The following ZNF469 variants were observed in gnomAD, a reference collection of about 807,000 sequenced individuals.
The protein encoded by ZNF469 is zinc finger protein 469.
Under a neutral mutation model 1.0 loss-of-function variants are expected in ZNF469, and 1 was observed. The ratio of observed to expected loss-of-function variants is 1.00; its 90% CI spans 0.35 to 4.73. ZNF469 has a LOEUF of 4.73. Among genes scored for constraint, ZNF469 ranks in the 30% most tolerant of loss-of-function variants. The probability of loss-of-function intolerance (pLI) is 0.16; values close to 1 mark genes in which losing one functional copy is unlikely to be tolerated. For synonymous variants in ZNF469, 2,703 were observed against 2,363.4 expected, an observed-to-expected ratio of 1.14 and a Z score of -4.17; for missense variants, 6,100 against 5,356.3, an observed-to-expected ratio of 1.14 and a Z score of -4.33.
At chr16:88,372,017 T>C in the ZNF469 span, among the ~76,000 whole-genome samples, 1 of 139,892 alleles carries the variant, frequency 7.1e-6, no homozygotes, top group African/African-American at 2.7e-5. Flanking sequence ...ATCATCACCA[T>C]CACCATCATC....
At chr16:88,136,207 T>C in the ZNF469 span, among the ~76,000 whole-genome samples, 4,411 of 152,264 alleles carry the variant, frequency 0.029, 212 homozygotes, top group African/African-American at 0.1. Flanking sequence ...TTCCTCTGCG[T>C]GGGGGAGGCT....
chr16:88,214,665 C>T, the ZNF469 span, among the ~76,000 whole-genome samples: 8 of 152,140 alleles, frequency 5.3e-5, no homozygotes, highest in Non-Finnish European at 7.4e-5. Flanking sequence ...ACCCTCACCC[C>T]CCGACAGGCC....
chr16:88,201,981 C>T, the ZNF469 span, among the ~76,000 whole-genome samples: 1 of 152,274 alleles, frequency 6.6e-6, no homozygotes, highest in East Asian at 1.9e-4. The surrounding 1 kb of genome is among the most constrained non-coding windows in gnomAD (Gnocchi z 5.0). Context: ...TCCTCCTGTT[C>T]CTCCTCCCTT....
the ZNF469 span, among the ~76,000 whole-genome samples, chr16:88,320,162 G>A: frequency 2.6e-5 from 4 of 152,248 alleles, no homozygotes; most frequent in Admixed American, 2.6e-4. Flanking sequence ...AGTTAAACAG[G>A]CTGAGTGCCT....
chr16:88,170,250 G>A, the ZNF469 span, among the ~76,000 whole-genome samples: 3 of 152,166 alleles, frequency 2.0e-5, no homozygotes, highest in Non-Finnish European at 4.4e-5. The surrounding 1 kb of genome is among the most constrained non-coding windows in gnomAD (Gnocchi z 4.2). Flanking sequence ...CCACAATCCA[G>A]CTAATTGTCA....
the ZNF469 span, among the ~76,000 whole-genome samples, chr16:88,300,276 G>C: frequency 1.3e-5 from 2 of 152,036 alleles, no homozygotes; most frequent in African/African-American, 4.8e-5. Context: ...GGTGGTGAGG[G>C]TGGGAGGTGG....
Position 88,430,223 on chromosome 16 carries a change from G to T in ZNF469, c.2753G>T (p.Cys918Phe). The change falls in exon 3 of 3, where the codon TGC (cysteine) becomes TTC (phenylalanine). Residue 918 changes from cysteine (C) to phenylalanine (F), a missense_variant. Transcript: ENST00000565624. Reference protein sequence around the residue: ...PQTPRPGDRGCPARGRPKTRS... With the variant: ...PQTPRPGDRGFPARGRPKTRS... ...ACCCCCCGCCCTGGGGACAGGGGCT[G>T]CCCAGCCCGAGGCAGGCCCAAAACG... 6.5e-7 allele frequency: 1 copy of T among 1,539,356 alleles called. No homozygotes were observed. Among genetic ancestry groups the T allele is most frequent in the East Asian group, 2.5e-5 (1 of 40,748 alleles).
At chr16:88,407,276 G>A (rs1255866250) in intron 1 of ZNF469, among the ~76,000 whole-genome samples, 1 of 152,230 alleles carries the variant, frequency 6.6e-6, no homozygotes, top group African/African-American at 2.4e-5. Flanking sequence ...CACTTCCAGG[G>A]ATCCGTCCGG....
At chr16:88,195,515 G>A in the ZNF469 span, among the ~76,000 whole-genome samples, 1 of 152,308 alleles carries the variant, frequency 6.6e-6, no homozygotes, top group South Asian at 2.1e-4. Flanking sequence ...TTTTAGCTGG[G>A]GCTGTCGGCT....
the ZNF469 span, among the ~76,000 whole-genome samples, chr16:88,239,191 T>C: frequency 6.6e-6 from 1 of 152,292 alleles, no homozygotes; most frequent in South Asian, 2.1e-4. Context: ...CCATCGGCTA[T>C]TCTCTGGGGT....
intron 1 of ZNF469, among the ~76,000 whole-genome samples, chr16:88,397,970 C>T (rs1488099048): frequency 6.6e-6 from 1 of 152,198 alleles, no homozygotes; most frequent in Non-Finnish European, 1.5e-5. Context: ...TTCTGCCCTG[C>T]CCAGAGCCGG....
intron 1 of ZNF469, among the ~76,000 whole-genome samples, chr16:88,423,167 G>A (rs1365750361): frequency 9.0e-5 from 1 of 11,132 alleles, no homozygotes; most frequent in African/African-American, 1.3e-4. Context: ...TGGATGGATG[G>A]GTGGGTGATG....
At chr16:88,353,959 G>A in the ZNF469 span, among the ~76,000 whole-genome samples, 18 of 152,138 alleles carry the variant, frequency 1.2e-4, no homozygotes, top group African/African-American at 1.4e-4. Context: ...CCTCACATCC[G>A]CCGTGAGGGG....
At chr16:88,253,711 G>T in the ZNF469 span, among the ~76,000 whole-genome samples, 6 of 151,908 alleles carry the variant, frequency 3.9e-5, no homozygotes, top group Non-Finnish European at 5.9e-5. Flanking sequence ...GCTAATTTTT[G>T]TATTTTTAGT....
chr16:88,151,289 G>C, the ZNF469 span, among the ~76,000 whole-genome samples: 1 of 152,244 alleles, frequency 6.6e-6, no homozygotes, highest in Non-Finnish European at 1.5e-5. This position sits in a 1 kb window ranked among gnomAD's most constrained non-coding sequence, Gnocchi z 5.4. Context: ...ACACGGGCGC[G>C]GGCCGTGGTC....
chr16:88,342,142 C>A, the ZNF469 span, among the ~76,000 whole-genome samples: 2 of 152,106 alleles, frequency 1.3e-5, no homozygotes, highest in Non-Finnish European at 2.9e-5. Flanking sequence ...GGCGCTGCGA[C>A]AGGGGTCTCC....
At chr16:88,226,097 A>G in the ZNF469 span, among the ~76,000 whole-genome samples, 2 of 152,178 alleles carry the variant, frequency 1.3e-5, no homozygotes, top group African/African-American at 4.8e-5. Flanking sequence ...ATGGTCACTC[A>G]TGAAACCGAG....
chr16:88,368,443 C>A, the ZNF469 span, among the ~76,000 whole-genome samples: 2 of 152,210 alleles, frequency 1.3e-5, no homozygotes, highest in African/African-American at 4.8e-5. Flanking sequence ...CTCTTCAGGG[C>A]TTCCTGAAAC....
the ZNF469 span, among the ~76,000 whole-genome samples, chr16:88,219,597 A>C: frequency 9.3e-5 from 14 of 149,912 alleles, no homozygotes; most frequent in East Asian, 1.2e-3. Context: ...TCCCTTCCTT[A>C]CACCTTATAC....
Sources: allele counts gnomAD v4.1 joint callset (sites outside exome capture counted in the v4.1 genomes callset), GRCh38; gene constraint gnomAD v4.1.1; non-coding constraint Gnocchi (gnomAD v3.1); transcripts MANE v1.5; gene names NCBI Gene and HGNC (gene_info 2026-07-23, HGNC 2026-07-21).